The following LIMCH1 variants were observed in gnomAD, a reference collection of about 807,000 sequenced individuals.
LIMCH1 encodes LIM and calponin homology domains-containing protein 1.
LIMCH1 carries 113 observed loss-of-function variants against 176.5 expected under a neutral mutation model. That is an observed-to-expected ratio of 0.64 (90% CI 0.55 to 0.75). The LOEUF is 0.75. Ranked by LOEUF, LIMCH1 falls within the 30% of genes least tolerant of loss-of-function variation. The pLI, the probability that LIMCH1 is intolerant of heterozygous loss-of-function variation, is 0.00. For missense variants in LIMCH1, 1,674 were observed against 1,814.9 expected (o/e 0.92, Z 1.41); for synonymous variants, 619 against 645.9 (o/e 0.96, Z 0.63).
chr4:41,624,556 A>AATTTAAAGGCCTTTAAAAATGGC (rs1474521800), intron 7 of LIMCH1, among the ~76,000 whole-genome samples: 12 of 149,442 alleles, frequency 8.0e-5, no homozygotes, highest in Admixed American at 3.3e-4. Flanking sequence ...TTTTAAAGGC[A>AATTTAAAGGCCTTTAAAAATGGC]AAAACCGCAA....
intron 26 of LIMCH1, 124 bp downstream of exon 26, chr4:41,682,584 A>G: frequency 3.6e-6 from 3 of 834,988 alleles, no homozygotes; most frequent in South Asian, 2.2e-5. Context: ...TTCCAGTAAT[A>G]CATTACATAT....
chr4:41,619,519 G>A (rs2092402400), intron 6 of LIMCH1, 79 bp downstream of exon 6: 1 of 1,559,462 alleles, frequency 6.4e-7, no homozygotes, highest in African/African-American at 1.4e-5. Context: ...ACAGGAACGA[G>A]GTTAAATGAC....
intron 17 of LIMCH1, among the ~76,000 whole-genome samples, chr4:41,649,887 A>G (rs2094217674): frequency 6.6e-6 from 1 of 152,248 alleles, no homozygotes; most frequent in South Asian, 2.1e-4. Context: ...GCATAGTCTC[A>G]GATCCCTTGC....
chr4:41,421,942 G>GT (rs1158787446), intron 1 of LIMCH1, among the ~76,000 whole-genome samples: 1 of 152,032 alleles, frequency 6.6e-6, no homozygotes, highest in Non-Finnish European at 1.5e-5. Context: ...AATTAGCCAG[G>GT]TGTGGTGGCA....
chr4:41,644,465 G>A (rs1278909203), intron 14 of LIMCH1, 35 bp from the exon 15 acceptor site: 3 of 1,456,342 alleles, frequency 2.1e-6, no homozygotes, highest in Admixed American at 5.3e-5. Flanking sequence ...GGCGCTGATC[G>A]CGGTCCCTCT....
exon 2 of LIMCH1, chr4:41,494,542 A>G: frequency 6.2e-7 from 1 of 1,611,066 alleles, no homozygotes; most frequent in Non-Finnish European, 8.5e-7. Flanking sequence ...GCAGCAAGTA[A>G]CTGGCAGAAG....
intron 1 of LIMCH1, among the ~76,000 whole-genome samples, chr4:41,404,027 G>T (rs189370955): frequency 3.3e-4 from 50 of 152,280 alleles, no homozygotes; most frequent in Non-Finnish European, 5.3e-4. Context: ...AATGGGAGTG[G>T]GTTTTATATG....
At chr4:41,477,957 A>G (rs536409621) in intron 1 of LIMCH1, among the ~76,000 whole-genome samples, 8 of 152,342 alleles carry the variant, frequency 5.3e-5, no homozygotes, top group Non-Finnish European at 1.0e-4. Context: ...TTAGTAGATG[A>G]AGATGTATTT....
In LIMCH1 at chr4:41,370,747, TAC is replaced by T. The variant is rs769042880; in HGVS notation, c.96+9812_96+9813del. 2.0e-5 allele frequency among the ~76,000 whole-genome samples: 3 copies of T among 152,196 alleles called. No individual in the cohort carries two copies. In the South Asian group the frequency reaches 6.2e-4, roughly 31 times the overall value. The stretch of plus-strand genomic sequence containing the variant: ...ACAGCAAACACACTTCTGGAACACT[TAC>T]CATGTACAAGCGGTAGTCTAGGAGC... On this transcript the variant is annotated intron_variant, in intron 1 of 26. Coordinates refer to the LIMCH1 transcript ENST00000313860.
intron 18 of LIMCH1, among the ~76,000 whole-genome samples, chr4:41,652,202 A>G (rs1452420651): frequency 6.6e-6 from 1 of 152,176 alleles, no homozygotes; most frequent in Non-Finnish European, 1.5e-5. Context: ...AAGGCTGGAT[A>G]TCATTATTTT....
chr4:41,413,930 G>A (rs986855219), intron 1 of LIMCH1, among the ~76,000 whole-genome samples: 2 of 152,192 alleles, frequency 1.3e-5, no homozygotes, highest in Non-Finnish European at 2.9e-5. Context: ...AGCTGGTGCA[G>A]TTTTAACGCA....
At chr4:41,409,866 G>C (rs956021618) in intron 1 of LIMCH1, among the ~76,000 whole-genome samples, 10 of 152,296 alleles carry the variant, frequency 6.6e-5, no homozygotes, top group South Asian at 6.2e-4. Flanking sequence ...TGATTGAATT[G>C]AGTAATAGCC....
At chr4:41,467,984 G>A (rs2066397630) in intron 1 of LIMCH1, among the ~76,000 whole-genome samples, 1 of 152,086 alleles carries the variant, frequency 6.6e-6, no homozygotes, top group Non-Finnish European at 1.5e-5. Flanking sequence ...TCAACATTTT[G>A]ATAATCTCCA....
chr4:41,649,386 T>C (rs1323254586), intron 17 of LIMCH1, among the ~76,000 whole-genome samples: 5 of 152,012 alleles, frequency 3.3e-5, no homozygotes, highest in Non-Finnish European at 7.4e-5. Flanking sequence ...GGTGACAGAG[T>C]GAGACCCCGT....
intron 5 of LIMCH1, among the ~76,000 whole-genome samples, chr4:41,615,749 T>C (rs1352507755): frequency 6.6e-6 from 1 of 152,224 alleles, no homozygotes; most frequent in Non-Finnish European, 1.5e-5. Context: ...GTTGTAAGTC[T>C]TGAGAATTTA....
At chr4:41,670,120 C>G (rs1239940228) in intron 21 of LIMCH1, among the ~76,000 whole-genome samples, 1 of 152,196 alleles carries the variant, frequency 6.6e-6, no homozygotes, top group Non-Finnish European at 1.5e-5. Flanking sequence ...AAAGATATCT[C>G]AAACTGATGT....
At chr4:41,456,254 G>A (rs1038106766) in intron 1 of LIMCH1, among the ~76,000 whole-genome samples, 21 of 152,106 alleles carry the variant, frequency 1.4e-4, no homozygotes, top group African/African-American at 5.1e-4. Flanking sequence ...TTAGGTTTAT[G>A]TCAATTTTTG....
At chr4:41,439,829 G>A (rs1489317641) in intron 1 of LIMCH1, among the ~76,000 whole-genome samples, 3 of 151,990 alleles carry the variant, frequency 2.0e-5, no homozygotes, top group Non-Finnish European at 2.9e-5. Flanking sequence ...ACTTGAACCC[G>A]GGAGGCAGAG....
chr4:41,505,102 A>G (rs1405967923), intron 2 of LIMCH1, among the ~76,000 whole-genome samples: 1 of 152,204 alleles, frequency 6.6e-6, no homozygotes, highest in Non-Finnish European at 1.5e-5. Flanking sequence ...AGTGTTTGGA[A>G]CATAGCAGGC....
Sources: allele counts gnomAD v4.1 joint callset (sites outside exome capture counted in the v4.1 genomes callset), GRCh38; gene constraint gnomAD v4.1.1; transcripts MANE v1.5; gene names NCBI Gene and HGNC (gene_info 2026-07-23, HGNC 2026-07-21).